Variants in EBF3 observed in about 807,000 individuals in gnomAD.
EBF3 encodes transcription factor COE3.
EBF3 carries 18 observed loss-of-function variants against 77.1 expected under a neutral mutation model. The observed-to-expected ratio is 0.23, with a 90% CI of 0.16 to 0.35. The LOEUF (loss-of-function observed/expected upper bound fraction) is 0.35. EBF3 is among the 10% of genes least tolerant of loss of function. The pLI is 1.00. For missense variants in EBF3, 558 were observed against 860.0 expected (o/e 0.65, Z 4.39); for synonymous variants, 350 against 343.5 (o/e 1.02, Z -0.21).
chr10:129,930,588 A>C (rs1408005803), intron 6 of EBF3, among the ~76,000 whole-genome samples: 1 of 145,288 alleles, frequency 6.9e-6, no homozygotes, highest in Non-Finnish European at 1.5e-5. Context: ...TATATTAACA[A>C]ATCCCCCTCT....
chr10:129,960,569 C>A (rs1859426833), intron 4 of EBF3, among the ~76,000 whole-genome samples: 1 of 151,038 alleles, frequency 6.6e-6, no homozygotes, highest in Admixed American at 6.6e-5. Context: ...AAACAGAAAT[C>A]CATAAACTGT....
At chr10:129,954,997 C>T (rs1858934881) in intron 6 of EBF3, among the ~76,000 whole-genome samples, 1 of 152,150 alleles carries the variant, frequency 6.6e-6, no homozygotes, top group Non-Finnish European at 1.5e-5. Context: ...AAAGAGATTG[C>T]CCTCCTATAG....
chr10:129,964,270 G>A lies in EBF3; in HGVS notation c.-502C>T, dbSNP rs1178988609. 2.6e-5 allele frequency: 26 copies of A among 984,970 alleles called. No individual in the cohort carries two copies. The highest frequency in any genetic ancestry group is 3.1e-5 in the Non-Finnish European group (26 of 829,826). 61.0% of individuals were successfully genotyped at this position (984,970 alleles called of 1,614,324 possible). A position where few individuals can be genotyped will look rare whatever the true frequency, so the allele number is the denominator to read the frequency against. On this transcript the variant is annotated 5_prime_UTR_variant, in exon 1 of 17. Coordinates refer to ENST00000440978, the MANE Select transcript of EBF3 (RefSeq NM_001375380.1). This position sits in a 1 kb window ranked among gnomAD's most constrained non-coding sequence, Gnocchi z 4.5. ...ACAAAACTCAGCCCTCTCTCCCCGA[G>A]GAATGGACCCTTTCCCGGGAGCCAA...
In EBF3 at chr10:129,864,702, A is replaced by G. The variant is rs68179623; in HGVS notation, c.1039+2439T>C. Among the ~76,000 whole-genome samples, 25,700 of 152,110 alleles carry G rather than the reference A, an allele frequency of 0.17. 3,860 individuals are homozygous for G. The highest frequency in any genetic ancestry group is 0.39 in the African/African-American group (16,310 of 41,448). On this transcript the variant is annotated intron_variant, in intron 10 of 16. Transcript: ENST00000440978. The surrounding 1 kb of genome is among the most constrained non-coding windows in gnomAD (Gnocchi z 4.4). ...CCACATGCAAACACATGTCACTTTC[A>G]TGTCACAAACCAGGACCCCGCAGCA...
Position 129,840,186 on chromosome 10 carries a change from TCCCATC to T in EBF3, c.1759+53_1759+58del, listed in dbSNP as rs1348984924. 49 of 744,848 alleles carry T rather than the reference TCCCATC, an allele frequency of 6.6e-5. No homozygotes were observed. The South Asian group carries it at 7.0e-4, about 11-fold the overall frequency. The allele number at this position is 744,848 out of a possible 1,614,324, so 46.1% of individuals were successfully genotyped here. ...AGAAAGGCCGAGCCCCCACCCCCAC[TCCCATC>T]CCCACCCCTGGAGAGGACCCAGCAC... On this transcript the variant is annotated intron_variant, in intron 15 of 16. Coordinates refer to ENST00000440978, the MANE Select transcript of EBF3 (RefSeq NM_001375380.1).
At chr10:129,913,083 G>C (rs937270404) in intron 6 of EBF3, among the ~76,000 whole-genome samples, 3 of 152,204 alleles carry the variant, frequency 2.0e-5, no homozygotes, top group Non-Finnish European at 4.4e-5. Context: ...AAACAAATGT[G>C]TTTCTTGGAG....
chr10:129,929,370 T>C (rs540017185), intron 6 of EBF3, among the ~76,000 whole-genome samples: 15 of 151,684 alleles, frequency 9.9e-5, no homozygotes, highest in Admixed American at 4.6e-4. Context: ...CACACCCAGG[T>C]AATTTTTGTA....
chr10:129,890,715 G>A (rs1853963924), intron 6 of EBF3, among the ~76,000 whole-genome samples: 1 of 152,146 alleles, frequency 6.6e-6, no homozygotes, highest in African/African-American at 2.4e-5. Flanking sequence ...TATGTATTTA[G>A]CATGCCTAAG....
chr10:129,955,886 C>T (rs1381780440), intron 6 of EBF3, among the ~76,000 whole-genome samples: 1 of 152,224 alleles, frequency 6.6e-6, no homozygotes, highest in Non-Finnish European at 1.5e-5. Flanking sequence ...ATAGTTCAAA[C>T]ACTTCTAGCC....
At chr10:129,930,429 CCT>C (rs989032294) in intron 6 of EBF3, among the ~76,000 whole-genome samples, 4 of 149,956 alleles carry the variant, frequency 2.7e-5, no homozygotes, top group Non-Finnish European at 4.4e-5. Context: ...AACAAATCCC[CCT>C]CTCATATATC....
chr10:129,841,051 C>CCCCCT lies in EBF3; in HGVS notation c.1373-20_1373-19insAGGGG. On this transcript the variant is annotated intron_variant, in intron 13 of 16. Transcript: ENST00000440978. The surrounding 1 kb of genome is among the most constrained non-coding windows in gnomAD (Gnocchi z 4.6). Reference sequence around the variant, plus strand: ...TAGCCGACTGTTGAAATCCCCCCCCCGGCCAAAAATAACATTATTATCAGC... The same window carrying CCCCCT: ...TAGCCGACTGTTGAAATCCCCCCCCCCCCCTGGCCAAAAATAACATTATTATCAGC... 6.2e-7 allele frequency: 1 copy of CCCCCT among 1,603,880 alleles called. No homozygotes were observed. Among genetic ancestry groups the CCCCCT allele is most frequent in the Middle Eastern group, 1.9e-4 (1 of 5,282 alleles).
At chr10:129,892,991 G>A (rs181439916) in intron 6 of EBF3, among the ~76,000 whole-genome samples, 6 of 152,346 alleles carry the variant, frequency 3.9e-5, no homozygotes, top group Admixed American at 1.3e-4. Context: ...CACACGGTTC[G>A]GAACAGGCTC....
At chr10:129,896,616 G>A (rs1015949339) in intron 6 of EBF3, among the ~76,000 whole-genome samples, 4 of 152,314 alleles carry the variant, frequency 2.6e-5, no homozygotes, top group East Asian at 1.9e-4. Flanking sequence ...GCCTCCTGGC[G>A]AGCCTCCCGG....
At chr10:129,889,102 T>A (rs1327811090) in intron 6 of EBF3, among the ~76,000 whole-genome samples, 1 of 152,212 alleles carries the variant, frequency 6.6e-6, no homozygotes, top group African/African-American at 2.4e-5. Context: ...CAGCCCAGCA[T>A]CTGCAGAAGG....
rs1457614290 is a variant in EBF3, at chr10:129,963,225, G to C, written c.291+142C>G. On this transcript the variant is annotated intron_variant, in intron 2 of 16. Coordinates refer to ENST00000440978, the MANE Select transcript of EBF3 (RefSeq NM_001375380.1). This position sits in a 1 kb window ranked among gnomAD's most constrained non-coding sequence, Gnocchi z 7.1. ...AAGTTGCCCAGCCCTCGGCGGTCCC[G>C]GGCGGCCGCACGTGGCGGCGGCGGG... is the stretch of plus-strand genomic sequence containing the variant. 4 of 1,273,768 alleles carry C rather than the reference G, an allele frequency of 3.1e-6. No homozygotes were observed. Among genetic ancestry groups the C allele is most frequent in the East Asian group, 5.9e-5 (2 of 33,782 alleles). The allele number at this position is 1,273,768 out of a possible 1,614,324, so 78.9% of individuals were successfully genotyped here. A position where few individuals can be genotyped will look rare whatever the true frequency, so the allele number is the denominator to read the frequency against.
chr10:129,837,278 G>A lies in EBF3; in HGVS notation c.*665C>T, dbSNP rs1427328920. The A allele has an allele frequency of 6.5e-6, 1 of 152,706 alleles. No homozygotes were observed. Among genetic ancestry groups the A allele is most frequent in the Non-Finnish European group, 1.5e-5 (1 of 68,110 alleles). The allele number at this position is 152,706 out of a possible 1,614,324, so 9.5% of individuals were successfully genotyped here. On this transcript the variant is annotated 3_prime_UTR_variant, in exon 17 of 17. Coordinates refer to ENST00000440978, the MANE Select transcript of EBF3 (RefSeq NM_001375380.1). ...CTGTCAGTGTGCTTGTTGAAGGCAAGAGAATTCAATATCAAAGTTACAATT... is the reference window on the plus strand; with the variant it reads ...CTGTCAGTGTGCTTGTTGAAGGCAAAAGAATTCAATATCAAAGTTACAATT...
In EBF3 at chr10:129,943,603, A is replaced by T. The variant is rs1214545177; in HGVS notation, c.554+13655T>A. ...CAGGAGTCGCCAGCCGGGCTTGGGA[A>T]CAAGACAGGTCCCCGGCGTGCACAT... is the stretch of plus-strand genomic sequence containing the variant. On this transcript the variant is annotated intron_variant, in intron 6 of 16. Coordinates refer to ENST00000440978, the MANE Select transcript of EBF3 (RefSeq NM_001375380.1). This position sits in a 1 kb window ranked among gnomAD's most constrained non-coding sequence, Gnocchi z 8.8. 6.6e-6 allele frequency among the ~76,000 whole-genome samples: 1 copy of T among 152,176 alleles called. No homozygotes were observed. Among genetic ancestry groups the T allele is most frequent in the Non-Finnish European group, 1.5e-5 (1 of 68,028 alleles).
Position 129,952,983 on chromosome 10 carries a change from G to T in EBF3, c.554+4275C>A, listed in dbSNP as rs1225138305. Among the ~76,000 whole-genome samples the T allele has an allele frequency of 6.6e-6, 1 of 150,762 alleles. No individual in the cohort carries two copies. Among genetic ancestry groups the T allele is most frequent in the Non-Finnish European group, 1.5e-5 (1 of 67,860 alleles). On this transcript the variant is annotated intron_variant, in intron 6 of 16. Transcript: ENST00000440978. This position sits in a 1 kb window ranked among gnomAD's most constrained non-coding sequence, Gnocchi z 4.7. ...GTGAGCAGGACTGCCAGCAAAGGTC[G>T]GCTCTCTTTGACCTTTGTGACAGGA...
rs1264153232 is a variant in EBF3, at chr10:129,963,888, CG to C, written c.-121del. The C allele has an allele frequency of 1.6e-5, 19 of 1,171,860 alleles. No homozygotes were observed. Among genetic ancestry groups the C allele is most frequent in the Admixed American group, 5.0e-5 (1 of 19,934 alleles). 72.6% of individuals were successfully genotyped at this position (1,171,860 alleles called of 1,614,324 possible). A position where few individuals can be genotyped will look rare whatever the true frequency, so the allele number is the denominator to read the frequency against. On this transcript the variant is annotated 5_prime_UTR_variant, in exon 1 of 17. Coordinates refer to ENST00000440978, the MANE Select transcript of EBF3 (RefSeq NM_001375380.1). The surrounding 1 kb of genome is among the most constrained non-coding windows in gnomAD (Gnocchi z 7.1). ...CTCGCCCTGCTCGGCGCCTGCGGTC[CG>C]GCCCCGCCGCCGGCTTCAGCCCGTC...
Sources: gnomAD v4.1 joint callset for allele counts (sites outside exome capture counted in the v4.1 genomes callset) on GRCh38, gnomAD v4.1.1 for gene constraint, Gnocchi (gnomAD v3.1) non-coding constraint, MANE v1.5 for transcripts, NCBI Gene and HGNC (gene_info 2026-07-23, HGNC 2026-07-21) for gene names.